PCLO: variants seen among roughly 807,000 people sequenced by gnomAD.
PCLO encodes the protein protein piccolo.
In PCLO, 82 loss-of-function variants were observed where a neutral mutation model predicts 427.5. The observed-to-expected ratio is 0.19, with a 90% CI of 0.16 to 0.23. The LOEUF (loss-of-function observed/expected upper bound fraction) is 0.23, where lower values mean the gene tolerates loss of function less well. PCLO is among the 10% of genes least tolerant of loss of function. The pLI is 1.00. For synonymous variants in PCLO, 2,357 were observed against 2,155.4 expected (o/e 1.09, Z -2.59); for missense variants, 6,239 against 6,115.9 (o/e 1.02, Z -0.67).
At chr7:82,991,551 T>C (rs755657939) in intron 3 of PCLO, among the ~76,000 whole-genome samples, 32 of 152,094 alleles carry the variant, frequency 2.1e-4, no homozygotes, top group Non-Finnish European at 3.2e-4. Flanking sequence ...TAACAATATA[T>C]TTAAATAAAC....
Position 82,953,969 on chromosome 7 carries a change from G to GGCC in PCLO, c.6981_6983dup (p.Ala2328dup). 3 of 1,613,806 alleles carry GGCC rather than the reference G, an allele frequency of 1.9e-6. No individual in the cohort carries two copies. Among genetic ancestry groups the GGCC allele is most frequent in the Non-Finnish European group, 1.7e-6 (2 of 1,179,824 alleles). ...CGGATAAGCTACTTTTTGTTCGTTC[G>GGCC]GCCTCCAACTCCTTTTTATCTCTGT... On this transcript the variant is annotated inframe_insertion, in exon 5 of 25. Transcript: ENST00000333891.
chr7:82,940,874 T>C (rs1174919352), intron 6 of PCLO, among the ~76,000 whole-genome samples: 1 of 150,858 alleles, frequency 6.6e-6, no homozygotes, highest in East Asian at 2.0e-4. Context: ...GCCATTCTCC[T>C]GTCTTAGCCT....
In PCLO at chr7:83,096,897, TA is replaced by T. The variant is rs1174991380; in HGVS notation, c.3300+37352del. Among the ~76,000 whole-genome samples the T allele has an allele frequency of 5.2e-3, 297 of 56,734 alleles. 51 individuals carry two copies. The highest frequency in any genetic ancestry group is 0.025 in the African/African-American group (269 of 10,822). 37.2% of individuals were successfully genotyped at this position (56,734 alleles called of 152,430 possible). On this transcript the variant is annotated intron_variant, in intron 3 of 24. Coordinates refer to ENST00000333891, the MANE Select transcript of PCLO (RefSeq NM_033026.6). ...AATATAAATATATTATATAATATAT[TA>T]ATATTATATTATCTAAATATATATA... is the stretch of plus-strand genomic sequence containing the variant.
intron 2 of PCLO, among the ~76,000 whole-genome samples, chr7:83,143,244 T>G (rs576989216): frequency 6.7e-5 from 10 of 149,712 alleles, no homozygotes; most frequent in Admixed American, 4.0e-4. Flanking sequence ...CCACATGAGC[T>G]CCCCGACAGA....
intron 4 of PCLO, among the ~76,000 whole-genome samples, chr7:82,957,702 A>G (rs1795559123): frequency 6.6e-6 from 1 of 152,224 alleles, no homozygotes; most frequent in Admixed American, 6.5e-5. Flanking sequence ...AGAGTTGTTA[A>G]TCACATTTAT....
At chr7:83,087,537 T>A (rs926721256) in intron 3 of PCLO, among the ~76,000 whole-genome samples, 1 of 152,160 alleles carries the variant, frequency 6.6e-6, no homozygotes, top group Non-Finnish European at 1.5e-5. Context: ...TCCTAATGAA[T>A]ACTTAGTAGC....
In PCLO at chr7:82,954,301, T is replaced by G. The variant is rs777280164; in HGVS notation, c.6652A>C (p.Thr2218Pro). ...TVYTEPVDMI[T>P]KFEDSEEISS... is the part of the protein sequence containing the mutation. ...ATTTCCTCAGAATCTTCAAATTTAG[T>G]TATCATGTCCACTGGCTCTGTATAA... Residue 2218 changes from threonine (T) to proline (P), a missense_variant, in exon 5 of 25, where the codon ACT (threonine) becomes CCT (proline). Coordinates refer to ENST00000333891, the MANE Select transcript of PCLO (RefSeq NM_033026.6). The G allele has an allele frequency of 6.2e-7, 1 of 1,613,726 alleles. No individual in the cohort carries two copies. Among genetic ancestry groups the G allele is most frequent in the Non-Finnish European group, 8.5e-7 (1 of 1,179,702 alleles).
At chr7:82,810,707 T>C (rs912038649) in intron 20 of PCLO, among the ~76,000 whole-genome samples, 10 of 151,832 alleles carry the variant, frequency 6.6e-5, no homozygotes, top group South Asian at 4.1e-4. Flanking sequence ...GTTTTATTAC[T>C]CCATTGTGGC....
chr7:83,075,718 G>A (rs999881792), intron 3 of PCLO, among the ~76,000 whole-genome samples: 27 of 152,104 alleles, frequency 1.8e-4, no homozygotes, highest in African/African-American at 6.3e-4. Context: ...TTACTCATAT[G>A]TATATACACA....
chr7:83,117,534 C>T (rs1214961370), intron 3 of PCLO, among the ~76,000 whole-genome samples: 1 of 152,208 alleles, frequency 6.6e-6, no homozygotes, highest in Non-Finnish European at 1.5e-5. Context: ...GCCTCAAGAG[C>T]TGACATACTA....
intron 15 of PCLO, among the ~76,000 whole-genome samples, chr7:82,836,486 A>C (rs1318096896): frequency 6.6e-6 from 1 of 152,164 alleles, no homozygotes; most frequent in African/African-American, 2.4e-5. Flanking sequence ...AACAAAAACT[A>C]CCTTTTCCTA....
At chr7:82,811,488 A>C (rs543606806) in intron 20 of PCLO, among the ~76,000 whole-genome samples, 1 of 151,482 alleles carries the variant, frequency 6.6e-6, no homozygotes, top group African/African-American at 2.4e-5. Flanking sequence ...TTTTCTTTTG[A>C]ACGTGGACCT....
At chr7:82,840,592 C>T (rs146221763) in intron 14 of PCLO, among the ~76,000 whole-genome samples, 11 of 152,010 alleles carry the variant, frequency 7.2e-5, no homozygotes, top group Non-Finnish European at 1.2e-4. Context: ...CCATTACTCT[C>T]GGACAACAAT....
At chr7:83,067,539 C>G (rs1402574628) in intron 3 of PCLO, among the ~76,000 whole-genome samples, 1 of 152,122 alleles carries the variant, frequency 6.6e-6, no homozygotes. Context: ...TTCTTCACCA[C>G]TGAATCCCCT....
At chr7:82,998,260 A>G (rs1412331240) in intron 3 of PCLO, among the ~76,000 whole-genome samples, 1 of 151,946 alleles carries the variant, frequency 6.6e-6, no homozygotes, top group Non-Finnish European at 1.5e-5. Flanking sequence ...TATCAGCAAG[A>G]AACCTACTAG....
chr7:83,121,150 A>C (rs1791267201), intron 3 of PCLO, among the ~76,000 whole-genome samples: 1 of 112,534 alleles, frequency 8.9e-6, no homozygotes, highest in Non-Finnish European at 1.8e-5. Flanking sequence ...CAAACAAACA[A>C]ACAAAAAACT....
intron 18 of PCLO, among the ~76,000 whole-genome samples, chr7:82,825,891 T>A (rs1385068949): frequency 1.3e-5 from 2 of 148,486 alleles, no homozygotes; most frequent in East Asian, 3.9e-4. Context: ...ACATTATACA[T>A]ATAATATTCC....
intron 13 of PCLO, among the ~76,000 whole-genome samples, chr7:82,844,133 T>A (rs1008259542): frequency 1.3e-5 from 2 of 152,190 alleles, no homozygotes; most frequent in African/African-American, 4.8e-5. Flanking sequence ...TGTATTTTTA[T>A]AACATAGAAA....
chr7:83,073,839 A>T (rs775673877), intron 3 of PCLO, among the ~76,000 whole-genome samples: 4 of 151,178 alleles, frequency 2.6e-5, no homozygotes, highest in Non-Finnish European at 3.0e-5. Flanking sequence ...AATAATAAAA[A>T]TTTTTTATTG....
Sources: allele counts gnomAD v4.1 joint callset (sites outside exome capture counted in the v4.1 genomes callset), GRCh38; gene constraint gnomAD v4.1.1; transcripts MANE v1.5; gene names NCBI Gene and HGNC (gene_info 2026-07-23, HGNC 2026-07-21).